Variants in OCA2 observed in about 807,000 individuals in gnomAD.
The protein encoded by OCA2 is P protein.
Under a neutral mutation model 100.2 loss-of-function variants are expected in OCA2, and 77 were observed. The observed-to-expected ratio is 0.77, with a 90% confidence interval of 0.64 to 0.93. OCA2 has a LOEUF of 0.93. Among genes scored for constraint, OCA2 ranks in the 40% least tolerant of loss-of-function variants. The probability of loss-of-function intolerance (pLI) is 0.00; values close to 1 mark genes in which losing one functional copy is unlikely to be tolerated. For synonymous variants in OCA2, 432 were observed against 439.2 expected (o/e 0.98, Z 0.21); for missense variants, 1,062 against 1,089.1 (o/e 0.98, Z 0.35).
the OCA2 span, among the ~76,000 whole-genome samples, chr15:27,747,248 G>A: frequency 1.3e-5 from 2 of 152,146 alleles, no homozygotes; most frequent in East Asian, 1.9e-4. Flanking sequence ...CCCCTGCTGG[G>A]GCATGGTGAC....
chr15:27,724,776 C>T, the OCA2 span, among the ~76,000 whole-genome samples: 1 of 151,398 alleles, frequency 6.6e-6, no homozygotes, highest in Admixed American at 6.6e-5. Context: ...CTGATTCTTT[C>T]CTGCCTCCCA....
intron 7 of OCA2, 72 bp downstream of exon 7, chr15:28,018,325 A>T: frequency 1.3e-6 from 2 of 1,490,312 alleles, no homozygotes; most frequent in Non-Finnish European, 1.9e-6. Flanking sequence ...AAATCCATTC[A>T]AGAGGAAACA....
At chr15:27,817,034 T>C (rs2034329232) in intron 23 of OCA2, among the ~76,000 whole-genome samples, 1 of 152,140 alleles carries the variant, frequency 6.6e-6, no homozygotes, top group Admixed American at 6.5e-5. Flanking sequence ...CTTGACCTGA[T>C]CACAAAGCCA....
At chr15:27,836,876 G>C (rs2311470) in intron 23 of OCA2, among the ~76,000 whole-genome samples, 90,198 of 151,992 alleles carry the variant, frequency 0.59, 27,721 homozygotes, top group East Asian at 0.96. Context: ...TTATTAACTT[G>C]ATGTTTTTAA....
chr15:28,098,872 G>A (rs1034651959), intron 1 of OCA2, among the ~76,000 whole-genome samples: 1 of 152,236 alleles, frequency 6.6e-6, no homozygotes, highest in African/African-American at 2.4e-5. Context: ...TGGCTAGGAG[G>A]CCCCGCAGTG....
intron 2 of OCA2, among the ~76,000 whole-genome samples, chr15:28,059,108 GC>G (rs917779083): frequency 3.9e-5 from 6 of 152,324 alleles, no homozygotes; most frequent in Admixed American, 3.3e-4. Context: ...GCGACAAACT[GC>G]ACTTTCTGAA....
At chr15:27,773,509 G>T (rs17565953) in intron 23 of OCA2, among the ~76,000 whole-genome samples, 46,308 of 152,104 alleles carry the variant, frequency 0.3, 8,221 homozygotes, top group Non-Finnish European at 0.4. Flanking sequence ...GGAGAAAGAT[G>T]ACATCTGATA....
In OCA2 at chr15:27,926,156, A is replaced by AG. The variant is rs760854665; in HGVS notation, c.2049_2050insC (p.Phe684LeufsTer57). 1.9e-6 allele frequency: 3 copies of AG among 1,614,038 alleles called. No homozygotes were observed. In the Admixed American group the frequency reaches 5.0e-5, roughly 27 times the overall value. Reference sequence around the variant, plus strand: ...ATCAGAACAAAGAGCGCTGCAAAAAACAGAAGGGTTGCCCATTCCACTCTG... The same window carrying AG: ...ATCAGAACAAAGAGCGCTGCAAAAAAGCAGAAGGGTTGCCCATTCCACTCTG... On this transcript the variant is annotated frameshift_variant, in exon 19 of 24. Coordinates refer to ENST00000354638, the MANE Select transcript of OCA2 (RefSeq NM_000275.3). LOFTEE classifies it high-confidence loss of function.
Position 27,957,680 on chromosome 15 carries a change from G to A in OCA2, c.1692C>T (p.Ala564=). ...GGCGCACAGCTGTCTCCTCGCGGCT[G>A]GCCGGGCTGATGCGCTGAGCAGTCA... The part of the protein sequence containing the change: ...WRLTAQRISP[A]SREETAVRRL... Residue 564 remains alanine (A), a synonymous_variant, in exon 16 of 24, where the codon GCC becomes GCT. Coordinates refer to ENST00000354638, the MANE Select transcript of OCA2 (RefSeq NM_000275.3). This position sits in a 1 kb window ranked among gnomAD's most constrained non-coding sequence, Gnocchi z 4.3. The A allele has an allele frequency of 6.2e-7, 1 of 1,613,110 alleles. No individual in the cohort carries two copies. Among genetic ancestry groups the A allele is most frequent in the Non-Finnish European group, 8.5e-7 (1 of 1,180,006 alleles).
At chr15:28,002,643 G>C (rs1339948505) in intron 9 of OCA2, among the ~76,000 whole-genome samples, 1 of 152,154 alleles carries the variant, frequency 6.6e-6, no homozygotes, top group Non-Finnish European at 1.5e-5. Flanking sequence ...ATCATCTTCT[G>C]CTGGCCTTTC....
downstream of OCA2, among the ~76,000 whole-genome samples, chr15:27,750,185 C>G (rs1010811902): frequency 6.6e-5 from 10 of 152,174 alleles, no homozygotes; most frequent in Non-Finnish European, 1.5e-5. Flanking sequence ...CAATACCCAT[C>G]ATTTTCTCCA....
intron 18 of OCA2, among the ~76,000 whole-genome samples, chr15:27,944,837 C>A (rs1346537191): frequency 1.6e-4 from 24 of 152,164 alleles, no homozygotes; most frequent in Non-Finnish European, 5.9e-5. Flanking sequence ...TTAGCCAGGT[C>A]CTACATGGGT....
chr15:27,798,475 A>T (rs2033443598), intron 23 of OCA2, among the ~76,000 whole-genome samples: 1 of 152,162 alleles, frequency 6.6e-6, no homozygotes, highest in Non-Finnish European at 1.5e-5. Context: ...AAAAGTCTTC[A>T]TTTGCAGGAG....
intron 2 of OCA2, among the ~76,000 whole-genome samples, chr15:28,038,933 T>G (rs2043122432): frequency 6.6e-6 from 1 of 152,180 alleles, no homozygotes; most frequent in Non-Finnish European, 1.5e-5. Flanking sequence ...CTACAAGAGA[T>G]GCACTGTAGA....
At chr15:27,826,996 T>C (rs912525639) in intron 23 of OCA2, among the ~76,000 whole-genome samples, 2 of 152,238 alleles carry the variant, frequency 1.3e-5, no homozygotes, top group South Asian at 4.1e-4. Context: ...CCCGGCAAGA[T>C]GCCCTTCCCT....
At chr15:28,015,034 C>T in intron 8 of OCA2, 105 bp from the exon 9 acceptor site, 1 of 1,178,768 alleles carries the variant, frequency 8.5e-7, no homozygotes. Flanking sequence ...AACAATTCAG[C>T]CCAACGCCCA....
intron 9 of OCA2, among the ~76,000 whole-genome samples, chr15:28,003,664 C>T (rs2041998123): frequency 1.3e-5 from 2 of 150,184 alleles, no homozygotes; most frequent in Non-Finnish European, 1.5e-5. Flanking sequence ...GCCCCCCGAA[C>T]GCTGAGCCCG....
chr15:27,847,467 C>T (rs76310760), intron 22 of OCA2, among the ~76,000 whole-genome samples: 323 of 152,306 alleles, frequency 2.1e-3, no homozygotes, highest in African/African-American at 5.8e-3. Flanking sequence ...ACACAGGCCC[C>T]TCCTGTCTTA....
intron 2 of OCA2, among the ~76,000 whole-genome samples, chr15:28,042,327 A>G (rs2043227031): frequency 6.6e-6 from 1 of 152,142 alleles, no homozygotes; most frequent in African/African-American, 2.4e-5. Flanking sequence ...AGAAACTCTT[A>G]TTTTAAAAAT....
Sources: allele counts gnomAD v4.1 joint callset (sites outside exome capture counted in the v4.1 genomes callset), GRCh38; gene constraint gnomAD v4.1.1; non-coding constraint Gnocchi (gnomAD v3.1); transcripts MANE v1.5; gene names NCBI Gene and HGNC (gene_info 2026-07-23, HGNC 2026-07-21).